Variants in ITGBL1 observed in about 807,000 individuals in gnomAD.
ITGBL1 encodes the protein integrin subunit beta like 1.
Under a neutral mutation model 68.5 loss-of-function variants are expected in ITGBL1, and 51 were observed. The ratio of observed to expected loss-of-function variants is 0.74; its 90% CI spans 0.59 to 0.94. ITGBL1 has a LOEUF of 0.94. Ranked by LOEUF, ITGBL1 falls within the 40% of genes least tolerant of loss-of-function variation. ITGBL1 has a pLI of 0.00. For missense variants in ITGBL1, 649 were observed against 647.4 expected, an observed-to-expected ratio of 1.00 and a Z score of -0.03; for synonymous variants, 209 against 227.3, an observed-to-expected ratio of 0.92 and a Z score of 0.72.
At chr13:101,465,342 T>G (rs552668303) in intron 2 of ITGBL1, among the ~76,000 whole-genome samples, 148 of 152,290 alleles carry the variant, frequency 9.7e-4, no homozygotes, top group Non-Finnish European at 1.8e-3. Context: ...CACTCAGGAT[T>G]CTCTTATAGC....
chr13:101,643,852 G>T (rs560089478), intron 7 of ITGBL1, among the ~76,000 whole-genome samples: 1 of 152,188 alleles, frequency 6.6e-6, no homozygotes, highest in East Asian at 1.9e-4. Flanking sequence ...TTTGTGTTCA[G>T]CAGTTCTGGT....
intron 7 of ITGBL1, among the ~76,000 whole-genome samples, chr13:101,638,833 T>C (rs953883435): frequency 3.3e-5 from 5 of 152,192 alleles, no homozygotes; most frequent in African/African-American, 9.6e-5. Flanking sequence ...AGAGTAATTA[T>C]GATCAAATGC....
At chr13:101,503,718 A>G (rs1311147363) in intron 2 of ITGBL1, among the ~76,000 whole-genome samples, 1 of 152,186 alleles carries the variant, frequency 6.6e-6, no homozygotes, top group East Asian at 1.9e-4. Context: ...GGAGGGAATA[A>G]TCTTCCTTCA....
intron 7 of ITGBL1, among the ~76,000 whole-genome samples, chr13:101,637,234 T>C (rs1234310439): frequency 6.6e-6 from 1 of 152,144 alleles, no homozygotes; most frequent in East Asian, 1.9e-4. Context: ...ATGTTTGTTA[T>C]ATACCCAAAG....
chr13:101,548,949 A>C (rs2049874514), intron 2 of ITGBL1, among the ~76,000 whole-genome samples: 1 of 151,922 alleles, frequency 6.6e-6, no homozygotes. Flanking sequence ...AAAATGAAGA[A>C]TACAAAAGGG....
chr13:101,568,855 A>G (rs2050223359), intron 3 of ITGBL1, among the ~76,000 whole-genome samples: 1 of 152,116 alleles, frequency 6.6e-6, no homozygotes, highest in South Asian at 2.1e-4. Context: ...GAATCAGACC[A>G]TATCCAAAGC....
chr13:101,684,393 A>T (rs1383999188), intron 7 of ITGBL1, among the ~76,000 whole-genome samples: 3 of 151,904 alleles, frequency 2.0e-5, no homozygotes, highest in Non-Finnish European at 4.4e-5. Context: ...AAAAATCCTG[A>T]TAAGATTTTG....
intron 2 of ITGBL1, among the ~76,000 whole-genome samples, chr13:101,475,915 A>G (rs374957939): frequency 6.6e-6 from 1 of 152,194 alleles, no homozygotes; most frequent in Non-Finnish European, 1.5e-5. Flanking sequence ...AAAGCTTAGG[A>G]TTTCATCAAT....
chr13:101,563,196 CAGA>C (rs1329837883), intron 2 of ITGBL1, among the ~76,000 whole-genome samples: 2 of 149,210 alleles, frequency 1.3e-5, no homozygotes, highest in South Asian at 2.1e-4. Context: ...TATATTAGAA[CAGA>C]AGAAGTGTTT....
chr13:101,675,049 A>G (rs1449829425), intron 7 of ITGBL1, among the ~76,000 whole-genome samples: 1 of 152,130 alleles, frequency 6.6e-6, no homozygotes, highest in Non-Finnish European at 1.5e-5. Context: ...TTCAAATGAA[A>G]GGATATTTTT....
At chr13:101,628,312 T>C (rs181328719) in intron 7 of ITGBL1, among the ~76,000 whole-genome samples, 12 of 152,230 alleles carry the variant, frequency 7.9e-5, no homozygotes, top group Non-Finnish European at 1.6e-4. Flanking sequence ...TGTTGAGTTT[T>C]AGGAGTTATT....
chr13:101,680,702 T>C (rs895470718), intron 7 of ITGBL1, among the ~76,000 whole-genome samples: 1 of 152,190 alleles, frequency 6.6e-6, no homozygotes, highest in Non-Finnish European at 1.5e-5. Flanking sequence ...GTGTAGTTTG[T>C]ACACATTATA....
chr13:101,513,654 G>T (rs1284986960), intron 2 of ITGBL1, among the ~76,000 whole-genome samples: 1 of 151,978 alleles, frequency 6.6e-6, no homozygotes, highest in African/African-American at 2.4e-5. Context: ...CCTTTATAAT[G>T]CTCTTGCACT....
chr13:101,543,318 G>C (rs1425408061), intron 2 of ITGBL1, among the ~76,000 whole-genome samples: 1 of 152,100 alleles, frequency 6.6e-6, no homozygotes, highest in Non-Finnish European at 1.5e-5. Context: ...CACTTATAAA[G>C]CTTAGTTTGG....
intron 2 of ITGBL1, among the ~76,000 whole-genome samples, chr13:101,546,166 CA>C (rs2049820296): frequency 6.6e-6 from 1 of 152,048 alleles, no homozygotes; most frequent in African/African-American, 2.4e-5. Flanking sequence ...TTAAACTGGT[CA>C]CATGCATATT....
At chr13:101,525,600 A>G (rs943478687) in intron 2 of ITGBL1, among the ~76,000 whole-genome samples, 2 of 150,828 alleles carry the variant, frequency 1.3e-5, no homozygotes, top group African/African-American at 4.9e-5. Context: ...TTCCGTGTCT[A>G]TTTTCTAATA....
At chr13:101,497,873 T>C (rs373496393) in intron 2 of ITGBL1, among the ~76,000 whole-genome samples, 56 of 152,044 alleles carry the variant, frequency 3.7e-4, no homozygotes, top group Non-Finnish European at 3.8e-4. Context: ...TTTTTTTTTT[T>C]ACCTTTTCGG....
intron 2 of ITGBL1, among the ~76,000 whole-genome samples, chr13:101,557,314 T>C (rs1351761097): frequency 6.6e-6 from 1 of 152,250 alleles, no homozygotes; most frequent in Non-Finnish European, 1.5e-5. Context: ...ATTTAAAAGA[T>C]AAAGTTTATA....
intron 7 of ITGBL1, among the ~76,000 whole-genome samples, chr13:101,667,826 T>C (rs115832241): frequency 8.4e-4 from 128 of 152,158 alleles, no homozygotes; most frequent in African/African-American, 2.8e-3. Context: ...TCTGGCATAG[T>C]TGGCCAGAAA....
Sources: allele counts gnomAD v4.1 joint callset (sites outside exome capture counted in the v4.1 genomes callset), GRCh38; gene constraint gnomAD v4.1.1; transcripts MANE v1.5; gene names NCBI Gene and HGNC (gene_info 2026-07-23, HGNC 2026-07-21).